The following KANSL1L variants were observed in gnomAD, a reference collection of about 807,000 sequenced individuals.
The protein encoded by KANSL1L is KAT8 regulatory NSL complex subunit 1 like, also known as KAT8 regulatory NSL complex subunit 1-like protein.
Under a neutral mutation model 108.6 loss-of-function variants are expected in KANSL1L, and 25 were observed. The ratio of observed to expected loss-of-function variants is 0.23; its 90% CI spans 0.17 to 0.32. The LOEUF (loss-of-function observed/expected upper bound fraction) is 0.32. KANSL1L is among the 10% of genes least tolerant of loss of function. The pLI is 1.00. For missense variants in KANSL1L, 1,137 were observed against 1,125.7 expected, an observed-to-expected ratio of 1.01 and a Z score of -0.14; for synonymous variants, 405 against 395.1, an observed-to-expected ratio of 1.03 and a Z score of -0.30.
At chr2:210,045,445 A>G (rs1184775444) in intron 6 of KANSL1L, among the ~76,000 whole-genome samples, 1 of 152,102 alleles carries the variant, frequency 6.6e-6, no homozygotes, top group South Asian at 2.1e-4. Flanking sequence ...TTGCATTACC[A>G]TTGTTAGGCA....
At chr2:210,065,948 G>C (rs1277652463) in intron 6 of KANSL1L, among the ~76,000 whole-genome samples, 1 of 152,034 alleles carries the variant, frequency 6.6e-6, no homozygotes, top group Non-Finnish European at 1.5e-5. Flanking sequence ...TGCCATAATG[G>C]GTTGAGACAT....
intron 12 of KANSL1L, among the ~76,000 whole-genome samples, chr2:210,026,635 G>C (rs2093940795): frequency 6.6e-6 from 1 of 152,152 alleles, no homozygotes; most frequent in Admixed American, 6.6e-5. Context: ...CTAAGATTCT[G>C]AAAATGGCAT....
chr2:210,099,330 A>G (rs947788488), intron 4 of KANSL1L, among the ~76,000 whole-genome samples: 5 of 152,224 alleles, frequency 3.3e-5, no homozygotes, highest in African/African-American at 1.2e-4. Flanking sequence ...ATAAAGGGGT[A>G]TATGAAATAA....
intron 6 of KANSL1L, among the ~76,000 whole-genome samples, chr2:210,064,644 C>T (rs1244395976): frequency 6.6e-6 from 1 of 151,640 alleles, no homozygotes; most frequent in East Asian, 1.9e-4. Context: ...AAGACCCTGT[C>T]TCTACAAAAA....
At chr2:210,099,767 T>C (rs1559554807) in intron 4 of KANSL1L, among the ~76,000 whole-genome samples, 1 of 152,078 alleles carries the variant, frequency 6.6e-6, no homozygotes, top group Non-Finnish European at 1.5e-5. Flanking sequence ...AGGGGGAAAT[T>C]ACAATCCCTA....
intron 6 of KANSL1L, among the ~76,000 whole-genome samples, chr2:210,045,286 ATTTATTCTT>A: frequency 6.6e-6 from 1 of 151,776 alleles, no homozygotes; most frequent in African/African-American, 2.4e-5. Context: ...ATTTTAATTT[ATTTATTCTT>A]TTATTTTCTT....
intron 5 of KANSL1L, among the ~76,000 whole-genome samples, chr2:210,081,730 C>T (rs2094591397): frequency 6.6e-6 from 1 of 152,118 alleles, no homozygotes; most frequent in African/African-American, 2.4e-5. Context: ...GTTTATCATT[C>T]CAGCCCTGGG....
At chr2:210,141,162 CTGTTT>C (rs1416721175) in intron 2 of KANSL1L, among the ~76,000 whole-genome samples, 2 of 142,548 alleles carry the variant, frequency 1.4e-5, no homozygotes, top group African/African-American at 5.8e-5. Flanking sequence ...CCACTCCTCT[CTGTTT>C]TCTTTCTTTT....
intron 6 of KANSL1L, among the ~76,000 whole-genome samples, chr2:210,052,338 TG>T (rs1195256910): frequency 6.6e-6 from 1 of 152,212 alleles, no homozygotes; most frequent in East Asian, 1.9e-4. Context: ...TTTTTTTGTT[TG>T]TTTGTTTCAT....
At chr2:210,026,863 C>G (rs763420473) in intron 12 of KANSL1L, among the ~76,000 whole-genome samples, 1 of 152,090 alleles carries the variant, frequency 6.6e-6, no homozygotes, top group Non-Finnish European at 1.5e-5. Context: ...CTCCGCCTCC[C>G]GGGTTCACGC....
intron 1 of KANSL1L, among the ~76,000 whole-genome samples, chr2:210,163,649 T>A (rs916326329): frequency 1.3e-5 from 2 of 152,086 alleles, no homozygotes; most frequent in Non-Finnish European, 2.9e-5. Flanking sequence ...CCAAACCACA[T>A]ATCCAGGAAG....
intron 3 of KANSL1L, among the ~76,000 whole-genome samples, chr2:210,121,661 AG>A (rs1290974677): frequency 3.3e-5 from 5 of 152,216 alleles, no homozygotes; most frequent in African/African-American, 1.2e-4. Context: ...AAGTTTAAAA[AG>A]AAGAAGAAAT....
chr2:210,086,491 T>TAAAAAA (rs57685611), intron 5 of KANSL1L, among the ~76,000 whole-genome samples: 2 of 141,112 alleles, frequency 1.4e-5, no homozygotes. Context: ...TTAATAAAGC[T>TAAAAAA]AAAAAAAAAA....
chr2:210,141,554 T>C (rs941101782), intron 2 of KANSL1L, among the ~76,000 whole-genome samples: 1 of 152,136 alleles, frequency 6.6e-6, no homozygotes, highest in African/African-American at 2.4e-5. Context: ...GCTGACAACT[T>C]GGCCTTGGAC....
At chr2:210,119,164 C>A (rs1375038293) in intron 3 of KANSL1L, among the ~76,000 whole-genome samples, 1 of 150,318 alleles carries the variant, frequency 6.7e-6, no homozygotes, top group Non-Finnish European at 1.5e-5. Context: ...AGCCTGGTGA[C>A]AGAGCGAGGC....
intron 3 of KANSL1L, among the ~76,000 whole-genome samples, chr2:210,112,790 C>A (rs1010638285): frequency 2.0e-5 from 3 of 152,174 alleles, no homozygotes; most frequent in African/African-American, 7.2e-5. Flanking sequence ...TCTGTCACCC[C>A]ACCTAGACAC....
At chr2:210,145,568 C>A (rs144743060) in intron 2 of KANSL1L, among the ~76,000 whole-genome samples, 3 of 152,162 alleles carry the variant, frequency 2.0e-5, no homozygotes, top group African/African-American at 7.2e-5. Flanking sequence ...ACACAGAAAC[C>A]ACAGCTCCAG....
At chr2:210,107,866 A>G (rs2094865911) in intron 3 of KANSL1L, among the ~76,000 whole-genome samples, 1 of 152,124 alleles carries the variant, frequency 6.6e-6, no homozygotes, top group South Asian at 2.1e-4. Context: ...AGTTTAGACC[A>G]TAAGAAGAAT....
chr2:210,038,399 A>G (rs147032616), intron 8 of KANSL1L, among the ~76,000 whole-genome samples: 1 of 152,180 alleles, frequency 6.6e-6, no homozygotes, highest in Non-Finnish European at 1.5e-5. Flanking sequence ...AAAGGCTTGT[A>G]TCAATTCTTA....
Sources: gnomAD v4.1 joint callset for allele counts (sites outside exome capture counted in the v4.1 genomes callset) on GRCh38, gnomAD v4.1.1 for gene constraint, MANE v1.5 for transcripts, NCBI Gene and HGNC (gene_info 2026-07-23, HGNC 2026-07-21) for gene names.